The following SLC39A11 variants were observed in gnomAD, a reference collection of about 807,000 sequenced individuals.
SLC39A11 encodes zinc transporter ZIP11.
Under a neutral mutation model 36.1 loss-of-function variants are expected in SLC39A11, and 33 were observed. The observed-to-expected ratio is 0.91, with a 90% CI of 0.69 to 1.22. The LOEUF (loss-of-function observed/expected upper bound fraction) is 1.22, where lower values mean the gene tolerates loss of function less well. SLC39A11 is among the 50% of genes most tolerant of loss of function. SLC39A11 has a pLI of 0.00. For missense variants in SLC39A11, 432 were observed against 430.3 expected (o/e 1.00, Z -0.03); for synonymous variants, 166 against 170.3 (o/e 0.97, Z 0.20).
chr17:72,993,584 A>C (rs1290040025), intron 4 of SLC39A11, among the ~76,000 whole-genome samples: 1 of 152,170 alleles, frequency 6.6e-6, no homozygotes, highest in African/African-American at 2.4e-5. Context: ...TTATTGACTA[A>C]TCAATCCTTT....
At chr17:72,768,753 GATT>G (rs560168920) in intron 6 of SLC39A11, among the ~76,000 whole-genome samples, 3 of 149,074 alleles carry the variant, frequency 2.0e-5, no homozygotes, top group Admixed American at 6.6e-5. Flanking sequence ...TATTTATTTT[GATT>G]ATTATTATTA....
At chr17:72,793,233 CAG>C (rs1380820340) in intron 6 of SLC39A11, among the ~76,000 whole-genome samples, 2 of 152,074 alleles carry the variant, frequency 1.3e-5, no homozygotes, top group African/African-American at 4.8e-5. Context: ...CACCCTGAGA[CAG>C]AGAAGCAGGA....
chr17:72,712,787 A>G (rs986762244), intron 7 of SLC39A11: 4 of 152,138 alleles, frequency 2.6e-5, no homozygotes, highest in Non-Finnish European at 4.4e-5. Context: ...ATTTTTTAAA[A>G]AAATTTTTAC....
chr17:72,789,923 G>A (rs1434355443), intron 6 of SLC39A11, among the ~76,000 whole-genome samples: 1 of 152,142 alleles, frequency 6.6e-6, no homozygotes, highest in Non-Finnish European at 1.5e-5. Context: ...GCTTGGGCAG[G>A]GAATTTAACT....
At chr17:72,879,191 T>TA (rs1447654855) in intron 5 of SLC39A11, among the ~76,000 whole-genome samples, 2 of 152,218 alleles carry the variant, frequency 1.3e-5, no homozygotes, top group Non-Finnish European at 2.9e-5. Flanking sequence ...TTGGGTTTTT[T>TA]ATGGAGGCGT....
chr17:72,747,361 A>C (rs1481762309), intron 6 of SLC39A11, among the ~76,000 whole-genome samples: 1 of 152,144 alleles, frequency 6.6e-6, no homozygotes, highest in Non-Finnish European at 1.5e-5. Flanking sequence ...CATGTTGGCC[A>C]GGCTGGTCTT....
intron 3 of SLC39A11, among the ~76,000 whole-genome samples, chr17:73,080,163 G>A (rs2144709263): frequency 6.6e-6 from 1 of 152,178 alleles, no homozygotes; most frequent in East Asian, 1.9e-4. Context: ...AACCAAAAAA[G>A]AGCCCACATA....
chr17:72,975,397 C>A (rs1319118088), intron 4 of SLC39A11, among the ~76,000 whole-genome samples: 1 of 152,178 alleles, frequency 6.6e-6, no homozygotes, highest in African/African-American at 2.4e-5. Context: ...CGAGATTGTG[C>A]CATTGCACTC....
intron 3 of SLC39A11, among the ~76,000 whole-genome samples, chr17:73,055,767 T>C (rs2059645134): frequency 6.6e-6 from 1 of 152,044 alleles, no homozygotes; most frequent in South Asian, 2.1e-4. Context: ...CAAATCTTAA[T>C]CAATCATAGC....
At chr17:72,869,227 C>T (rs1447177419) in intron 5 of SLC39A11, among the ~76,000 whole-genome samples, 1 of 152,188 alleles carries the variant, frequency 6.6e-6, no homozygotes, top group African/African-American at 2.4e-5. Flanking sequence ...AGAACATCTG[C>T]TGACTGAGGA....
At position 72,748,046 on chromosome 17, in the gene SLC39A11, G is replaced by A. The variant is rs1420630072; in HGVS notation, c.602-11327C>T. Among the ~76,000 whole-genome samples, 8 of 152,326 alleles carry A rather than the reference G, an allele frequency of 5.3e-5. No individual in the cohort carries two copies. In the East Asian group the frequency reaches 1.5e-3, roughly 29 times the overall value. On this transcript the variant is annotated intron_variant, in intron 6 of 9. Transcript: ENST00000255559. ...ATCAAATTCTTATCAATAAGGCCAG[G>A]TGCAGTGGCTCACGCCTGTAATCCC...
At chr17:72,753,091 CAA>C (rs1568032756) in intron 6 of SLC39A11, among the ~76,000 whole-genome samples, 3 of 152,106 alleles carry the variant, frequency 2.0e-5, no homozygotes, top group Admixed American at 6.6e-5. Context: ...CTCCTGGACT[CAA>C]GTGACCCTCC....
rs146538946 is a variant in SLC39A11 at position 72,675,842 on chromosome 17, G to A, written c.672-26574C>T. 3.3e-5 allele frequency among the ~76,000 whole-genome samples: 5 copies of A among 152,234 alleles called. No homozygotes were observed. In the East Asian group the frequency reaches 9.6e-4, roughly 29 times the overall value. ...TTACAAGCACGTACCACCATGCCTGGCTAATTTTGTATTTTTAGTAGAGAT... is the reference window on the plus strand; with the variant it reads ...TTACAAGCACGTACCACCATGCCTGACTAATTTTGTATTTTTAGTAGAGAT... On this transcript the variant is annotated intron_variant, in intron 7 of 9. Coordinates refer to ENST00000255559, the MANE Select transcript of SLC39A11 (RefSeq NM_139177.4).
At chr17:73,032,892 T>C (rs1598938773) in intron 3 of SLC39A11, among the ~76,000 whole-genome samples, 1 of 152,214 alleles carries the variant, frequency 6.6e-6, no homozygotes, top group Admixed American at 6.5e-5. Flanking sequence ...ATGTTTTCTA[T>C]TGCGATTTGT....
chr17:72,940,332 A>G (rs368817213), intron 5 of SLC39A11, among the ~76,000 whole-genome samples: 4 of 151,560 alleles, frequency 2.6e-5, no homozygotes, highest in Admixed American at 2.0e-4. Context: ...CTGGAGTGCA[A>G]TGGCGTGGTC....
At chr17:72,760,978 A>T (rs1263940728) in intron 6 of SLC39A11, among the ~76,000 whole-genome samples, 1 of 152,130 alleles carries the variant, frequency 6.6e-6, no homozygotes, top group Non-Finnish European at 1.5e-5. Context: ...ATAGCCATCC[A>T]ACCAACAGCC....
At chr17:73,054,131 G>A (rs988011003) in intron 3 of SLC39A11, among the ~76,000 whole-genome samples, 24 of 152,238 alleles carry the variant, frequency 1.6e-4, no homozygotes, top group African/African-American at 4.8e-4. Flanking sequence ...TTGGGAGGCC[G>A]AGGTGGGTGG....
intron 6 of SLC39A11, among the ~76,000 whole-genome samples, chr17:72,823,407 A>G (rs116360631): frequency 0.012 from 1,806 of 151,156 alleles, 55 homozygotes; most frequent in African/African-American, 0.037. Context: ...CCGTGCATCA[A>G]TCTCTCTAAA....
rs894049155 is a variant in SLC39A11 at position 72,647,344 on chromosome 17, A to T, written c.*240T>A. Reference sequence around the variant, plus strand: ...ATCCCACTGAAGAGAGAGTCCATTCAGTGGCCAAAACAAAGAATCTGTATT... The same window carrying T: ...ATCCCACTGAAGAGAGAGTCCATTCTGTGGCCAAAACAAAGAATCTGTATT... On this transcript the variant is annotated 3_prime_UTR_variant, in exon 10 of 10. Coordinates refer to ENST00000255559, the MANE Select transcript of SLC39A11 (RefSeq NM_139177.4). 10 of 350,520 alleles carry T rather than the reference A, an allele frequency of 2.9e-5. No individual in the cohort carries two copies. Among genetic ancestry groups the T allele is most frequent in the Admixed American group, 2.7e-4 (6 of 22,166 alleles). The allele number at this position is 350,520 out of a possible 1,614,324, so 21.7% of individuals were successfully genotyped here.
Sources: allele counts gnomAD v4.1 joint callset (sites outside exome capture counted in the v4.1 genomes callset), GRCh38; gene constraint gnomAD v4.1.1; transcripts MANE v1.5; gene names NCBI Gene and HGNC (gene_info 2026-07-23, HGNC 2026-07-21).